Variants in STOX2 observed in about 807,000 individuals in gnomAD.
The protein encoded by STOX2 is storkhead-box protein 2.
Under a neutral mutation model 60.9 loss-of-function variants are expected in STOX2, and 28 were observed. The ratio of observed to expected loss-of-function variants is 0.46; its 90% CI spans 0.34 to 0.63. The LOEUF is 0.63. Among genes scored for constraint, STOX2 ranks in the 30% least tolerant of loss-of-function variants. The pLI is 0.01. For missense variants in STOX2, 1,024 were observed against 1,187.7 expected (o/e 0.86, Z 2.03); for synonymous variants, 472 against 463.9 (o/e 1.02, Z -0.22).
intron 1 of STOX2, among the ~76,000 whole-genome samples, chr4:183,803,675 G>A (rs537811808): frequency 6.6e-6 from 1 of 152,292 alleles, no homozygotes; most frequent in African/African-American, 2.4e-5. Flanking sequence ...AAAAATTAAA[G>A]AAATGGTCTG....
chr4:183,916,941 C>T (rs1408158190), intron 1 of STOX2, among the ~76,000 whole-genome samples: 1 of 152,210 alleles, frequency 6.6e-6, no homozygotes, highest in Non-Finnish European at 1.5e-5. Flanking sequence ...GACCGAGCCG[C>T]TCCTTCTCTG....
chr4:184,008,444 A>G (rs1733976468), intron 2 of STOX2, among the ~76,000 whole-genome samples: 1 of 152,216 alleles, frequency 6.6e-6, no homozygotes, highest in African/African-American at 2.4e-5. Flanking sequence ...CAAAGCCTTC[A>G]CTCATGTATT....
chr4:183,908,066 T>A (rs1249812809), intron 1 of STOX2, among the ~76,000 whole-genome samples: 1 of 152,194 alleles, frequency 6.6e-6, no homozygotes, highest in South Asian at 2.1e-4. Context: ...AAGTCCTTTT[T>A]AACTGGGGTC....
chr4:183,915,243 C>T (rs919215528), intron 1 of STOX2, among the ~76,000 whole-genome samples: 2 of 152,178 alleles, frequency 1.3e-5, no homozygotes, highest in Non-Finnish European at 2.9e-5. Context: ...GAGGGAGGAG[C>T]CATCCTCTGC....
chr4:183,889,878 A>G (rs1741166709), intron 1 of STOX2, among the ~76,000 whole-genome samples: 1 of 152,108 alleles, frequency 6.6e-6, no homozygotes, highest in African/African-American at 2.4e-5. Flanking sequence ...TCTTCTTTTG[A>G]TGAAAAGATG....
At chr4:184,015,951 A>G (rs557401318) in intron 3 of STOX2, 1 of 152,336 alleles carries the variant, frequency 6.6e-6, no homozygotes, top group South Asian at 2.1e-4. Flanking sequence ...TGCCCTATAC[A>G]TTTGAAATCT....
At chr4:183,879,216 T>C (rs1163845827) in intron 1 of STOX2, among the ~76,000 whole-genome samples, 2 of 152,204 alleles carry the variant, frequency 1.3e-5, no homozygotes, top group African/African-American at 4.8e-5. Flanking sequence ...CGCGAAGGCA[T>C]GTCCCCGGGC....
At chr4:183,913,474 T>C (rs1401191362) in intron 1 of STOX2, among the ~76,000 whole-genome samples, 1 of 151,888 alleles carries the variant, frequency 6.6e-6, no homozygotes, top group Non-Finnish European at 1.5e-5. Context: ...ACGACGGCCA[T>C]AGAACAGTGT....
At chr4:183,812,400 A>G (rs905600795) in intron 1 of STOX2, among the ~76,000 whole-genome samples, 20 of 152,242 alleles carry the variant, frequency 1.3e-4, no homozygotes, top group African/African-American at 4.8e-4. Flanking sequence ...TGTGCTTAAT[A>G]CCTTTAAAAA....
intron 1 of STOX2, among the ~76,000 whole-genome samples, chr4:183,817,259 T>C (rs773570638): frequency 2.0e-5 from 3 of 152,186 alleles, no homozygotes; most frequent in Non-Finnish European, 4.4e-5. Flanking sequence ...TGCTTAGTAA[T>C]CTAGGGGAAA....
At chr4:183,807,240 G>A (rs1165374963) in intron 1 of STOX2, among the ~76,000 whole-genome samples, 1 of 152,164 alleles carries the variant, frequency 6.6e-6, no homozygotes, top group Non-Finnish European at 1.5e-5. Flanking sequence ...CCAAAGTGCT[G>A]GGATTACAGG....
At chr4:183,845,897 A>T (rs918558528) in intron 1 of STOX2, among the ~76,000 whole-genome samples, 1 of 152,218 alleles carries the variant, frequency 6.6e-6, no homozygotes, top group African/African-American at 2.4e-5. Context: ...TACTTATAAT[A>T]TGTACTTAAC....
At chr4:183,913,088 TGG>T in intron 1 of STOX2, among the ~76,000 whole-genome samples, 1 of 152,128 alleles carries the variant, frequency 6.6e-6, no homozygotes, top group South Asian at 2.1e-4. Context: ...AAAGGCTGCC[TGG>T]AGGGAGGACT....
chr4:183,878,159 G>A (rs1485790615), intron 1 of STOX2, among the ~76,000 whole-genome samples: 2 of 152,164 alleles, frequency 1.3e-5, no homozygotes, highest in African/African-American at 2.4e-5. Context: ...TTGCACCCAG[G>A]AGATCTAAGA....
chr4:183,997,902 C>G (rs1733414145), intron 1 of STOX2, among the ~76,000 whole-genome samples: 1 of 152,156 alleles, frequency 6.6e-6, no homozygotes, highest in Non-Finnish European at 1.5e-5. Flanking sequence ...CATGCTGCCT[C>G]TTGGAGTTGG....
At chr4:183,996,671 T>C (rs1260368587) in intron 1 of STOX2, among the ~76,000 whole-genome samples, 2 of 152,204 alleles carry the variant, frequency 1.3e-5, no homozygotes, top group Non-Finnish European at 2.9e-5. Context: ...CTGTGATTCC[T>C]TTAATACAGA....
intron 1 of STOX2, among the ~76,000 whole-genome samples, chr4:183,849,075 G>A (rs954609258): frequency 2.0e-5 from 3 of 152,190 alleles, no homozygotes; most frequent in Non-Finnish European, 4.4e-5. Context: ...TAGATTCCAA[G>A]CATCAAACTA....
intron 1 of STOX2, among the ~76,000 whole-genome samples, chr4:183,873,214 G>A (rs1419501133): frequency 3.9e-5 from 6 of 152,096 alleles, no homozygotes; most frequent in Admixed American, 2.6e-4. Context: ...TTGGGAGGCC[G>A]AGGTGGGCGG....
At chr4:183,907,314 T>G (rs1741649378) in intron 1 of STOX2, among the ~76,000 whole-genome samples, 1 of 152,148 alleles carries the variant, frequency 6.6e-6, no homozygotes, top group Admixed American at 6.5e-5. Context: ...GCTGCTGCAT[T>G]GTGGCCGGTT....
Sources: allele counts gnomAD v4.1 joint callset (sites outside exome capture counted in the v4.1 genomes callset), GRCh38; gene constraint gnomAD v4.1.1; transcripts MANE v1.5; gene names NCBI Gene and HGNC (gene_info 2026-07-23, HGNC 2026-07-21).